Variants in MAMLD1 observed in about 807,000 individuals in gnomAD.
MAMLD1 encodes the protein mastermind-like domain-containing protein 1.
In MAMLD1, 14 loss-of-function variants were observed where a neutral mutation model predicts 45.0. That is an observed-to-expected ratio of 0.31 (90% CI 0.21 to 0.49). The LOEUF (loss-of-function observed/expected upper bound fraction) is 0.49, where lower values mean the gene tolerates loss of function less well. Among genes scored for constraint, MAMLD1 ranks in the 20% least tolerant of loss-of-function variants. The pLI is 0.99. For missense variants in MAMLD1, 543 were observed against 603.6 expected (o/e 0.90, Z 1.05); for synonymous variants, 254 against 247.8 (o/e 1.02, Z -0.24).
Position 150,512,510 on chromosome X carries a change from G to T in MAMLD1, c.*551G>T, listed in dbSNP as rs781941529. ...TAGCGTTCAGCAGCACTCACCTTCTGGCCAGGCCTGCCTTCAGAGGCCATC... is the reference window on the plus strand; with the variant it reads ...TAGCGTTCAGCAGCACTCACCTTCTTGCCAGGCCTGCCTTCAGAGGCCATC... On this transcript the variant is annotated 3_prime_UTR_variant, in exon 8 of 8. Transcript: ENST00000370401. 1 of 1,156,152 alleles carries T rather than the reference G, an allele frequency of 8.6e-7. No individual in the cohort carries two copies.
At chrX:150,463,788 C>T (rs1234523553) in intron 3 of MAMLD1, among the ~76,000 whole-genome samples, 1 of 110,822 alleles carries the variant, frequency 9.0e-6, no homozygotes, top group Non-Finnish European at 1.9e-5. Flanking sequence ...TGGTGGCAAG[C>T]AGCAGGAGGC....
intron 1 of MAMLD1, among the ~76,000 whole-genome samples, chrX:150,441,732 G>A (rs2124593323): frequency 9.0e-6 from 1 of 110,873 alleles, no homozygotes; most frequent in East Asian, 2.8e-4. Flanking sequence ...ATATTTCTTG[G>A]GTGTTTGAAG....
chrX:150,453,840 C>T (rs1001787280), intron 2 of MAMLD1, among the ~76,000 whole-genome samples: 2 of 112,255 alleles, frequency 1.8e-5, no homozygotes, highest in African/African-American at 3.2e-5. Context: ...TGCTCTGCCC[C>T]CAGTCCTTCT....
intron 5 of MAMLD1, among the ~76,000 whole-genome samples, chrX:150,495,638 A>G (rs2037353219): frequency 8.9e-6 from 1 of 112,308 alleles, no homozygotes; most frequent in African/African-American, 3.2e-5. Context: ...GTCAAGCCAG[A>G]CCTCTTCCAG....
chrX:150,377,535 T>C (rs2032381883), intron 1 of MAMLD1, among the ~76,000 whole-genome samples: 1 of 111,583 alleles, frequency 9.0e-6, no homozygotes, highest in Non-Finnish European at 1.9e-5. Context: ...GAATACCCAC[T>C]GTGCCTGGAG....
chrX:150,426,221 TACAGTAACTAGTA>T (rs1557403808), intron 1 of MAMLD1, among the ~76,000 whole-genome samples: 1 of 112,346 alleles, frequency 8.9e-6, no homozygotes, highest in Non-Finnish European at 1.9e-5. Context: ...GTTAGTGGTA[TACAGTAACTAGTA>T]ACAGTTAGCT....
chrX:150,373,464 T>TCA (rs782447541), intron 1 of MAMLD1, among the ~76,000 whole-genome samples: 77 of 79,175 alleles, frequency 9.7e-4, no homozygotes, highest in Admixed American at 3.9e-3. Context: ...TCTCTCTCTC[T>TCA]CTCACACACA....
intron 1 of MAMLD1, among the ~76,000 whole-genome samples, chrX:150,424,628 A>T (rs2034641541): frequency 8.9e-6 from 1 of 112,385 alleles, no homozygotes; most frequent in South Asian, 3.7e-4. Context: ...CTCCTTCAAA[A>T]CTTAAAAGAT....
At chrX:150,367,461 G>A (rs1321523280) in intron 1 of MAMLD1, among the ~76,000 whole-genome samples, 2 of 112,147 alleles carry the variant, frequency 1.8e-5, no homozygotes, top group East Asian at 2.8e-4. Context: ...ATTACTATTT[G>A]GGGTTATGAA....
chrX:150,436,438 T>C (rs1378057805), intron 1 of MAMLD1, among the ~76,000 whole-genome samples: 2 of 112,166 alleles, frequency 1.8e-5, no homozygotes, highest in Non-Finnish European at 3.8e-5. Context: ...GCTTCCTCTT[T>C]ATTTTTGTCT....
chrX:150,489,819 T>C (rs1336672042), intron 5 of MAMLD1, among the ~76,000 whole-genome samples: 1 of 110,649 alleles, frequency 9.0e-6, no homozygotes, highest in Non-Finnish European at 1.9e-5. Flanking sequence ...GGGAAATGCC[T>C]GTGAAAGATA....
intron 1 of MAMLD1, among the ~76,000 whole-genome samples, chrX:150,395,107 C>G (rs1457489229): frequency 9.0e-6 from 1 of 110,898 alleles, no homozygotes; most frequent in East Asian, 2.8e-4. Flanking sequence ...AGGAAGTTCT[C>G]AATTCTGAGT....
chrX:150,382,771 T>C (rs2032678754), intron 1 of MAMLD1, among the ~76,000 whole-genome samples: 1 of 111,504 alleles, frequency 9.0e-6, no homozygotes, highest in Non-Finnish European at 1.9e-5. Context: ...TGAAAATATT[T>C]TAAATATATT....
At chrX:150,362,183 G>T (rs113335513), upstream of MAMLD1, among the ~76,000 whole-genome samples, 2 of 111,884 alleles carry the variant, frequency 1.8e-5, no homozygotes, top group African/African-American at 6.5e-5. Flanking sequence ...GTGGGCGGAG[G>T]GACTGGCGCT....
At chrX:150,433,764 G>C (rs2035030780) in intron 1 of MAMLD1, among the ~76,000 whole-genome samples, 1 of 111,863 alleles carries the variant, frequency 8.9e-6, no homozygotes, top group South Asian at 3.7e-4. Flanking sequence ...AAGCCTACTT[G>C]ATCATGATGA....
intron 1 of MAMLD1, among the ~76,000 whole-genome samples, chrX:150,403,990 A>AAG (rs2033926405): frequency 1.0e-5 from 1 of 97,238 alleles, no homozygotes. Context: ...GAAAGAAAGA[A>AAG]AGAAAGAAGA....
At chrX:150,454,922 A>T (rs781901426) in intron 2 of MAMLD1, among the ~76,000 whole-genome samples, 29 of 109,463 alleles carry the variant, frequency 2.6e-4, no homozygotes, top group African/African-American at 9.3e-4. Context: ...CGTCATTACC[A>T]CCTCCATCAC....
chrX:150,488,895 T>C (rs1260915554), intron 5 of MAMLD1, among the ~76,000 whole-genome samples: 7 of 113,015 alleles, frequency 6.2e-5, no homozygotes, highest in African/African-American at 1.9e-4. Context: ...ACGAGCAGCA[T>C]GTTTGCTAAG....
chrX:150,400,279 A>G (rs139501552), intron 1 of MAMLD1, among the ~76,000 whole-genome samples: 192 of 112,401 alleles, frequency 1.7e-3, no homozygotes, highest in Non-Finnish European at 2.3e-3. Context: ...AATTTGAGTT[A>G]TAGTGAGAGG....
Sources: gnomAD v4.1 joint callset for allele counts (sites outside exome capture counted in the v4.1 genomes callset) on GRCh38, gnomAD v4.1.1 for gene constraint, MANE v1.5 for transcripts, NCBI Gene and HGNC (gene_info 2026-07-23, HGNC 2026-07-21) for gene names.